The following CNKSR3 variants were observed in gnomAD, a reference collection of about 807,000 sequenced individuals.
The protein encoded by CNKSR3 is CNKSR family member 3, also known as connector enhancer of kinase suppressor of ras 3.
CNKSR3 carries 36 observed loss-of-function variants against 67.7 expected under a neutral mutation model. That is an observed-to-expected ratio of 0.53 (90% CI 0.41 to 0.70). The LOEUF (loss-of-function observed/expected upper bound fraction) is 0.70, where lower values mean the gene tolerates loss of function less well. Among genes scored for constraint, CNKSR3 ranks in the 30% least tolerant of loss-of-function variants. The pLI is 0.00. For missense variants in CNKSR3, 630 were observed against 695.2 expected (o/e 0.91, Z 1.05); for synonymous variants, 281 against 271.4 (o/e 1.04, Z -0.35).
chr6:154,430,608 A>C lies in CNKSR3; in HGVS notation c.550-17T>G, dbSNP rs1437101406. ...AACCTTGACCTAGAATTGGAGAAGC[A>C]AATAGTCAGGAAAGTTCAATCATTA... On this transcript the variant is annotated splice_polypyrimidine_tract_variant and intron_variant, in intron 5 of 12. Transcript: ENST00000607772. The C allele has an allele frequency of 1.9e-6, 3 of 1,599,624 alleles. No homozygotes were observed. Among genetic ancestry groups the C allele is most frequent in the East Asian group, 2.3e-5 (1 of 44,396 alleles).
intron 1 of CNKSR3, among the ~76,000 whole-genome samples, chr6:154,484,453 C>T (rs946008993): frequency 6.6e-6 from 1 of 152,150 alleles, no homozygotes; most frequent in African/African-American, 2.4e-5. Flanking sequence ...CGCCTGTAAT[C>T]CCAACGCTTT....
At chr6:154,441,144 T>G (rs192407951) in intron 4 of CNKSR3, 148 bp downstream of exon 4, 133 of 544,532 alleles carry the variant, frequency 2.4e-4, no homozygotes, top group Middle Eastern at 4.9e-4. Context: ...ATTTAAAGCC[T>G]TTCATCTCTT....
intron 4 of CNKSR3, among the ~76,000 whole-genome samples, chr6:154,436,782 C>T (rs1785480315): frequency 6.6e-6 from 1 of 152,186 alleles, no homozygotes; most frequent in South Asian, 2.1e-4. Context: ...ATCTCAATCC[C>T]TTCCCACCTT....
intron 1 of CNKSR3, among the ~76,000 whole-genome samples, chr6:154,498,386 C>T (rs1786919095): frequency 6.6e-6 from 1 of 151,128 alleles, no homozygotes; most frequent in East Asian, 1.9e-4. Context: ...ATTTTGTGAA[C>T]ACTGGGAAAT....
Position 154,442,217 on chromosome 6 carries a change from T to C in CNKSR3, c.290A>G (p.Asn97Ser). The C allele has an allele frequency of 6.2e-7, 1 of 1,614,224 alleles. No homozygotes were observed. Among genetic ancestry groups the C allele is most frequent in the Non-Finnish European group, 8.5e-7 (1 of 1,180,032 alleles). The change falls in exon 3 of 13, where the codon AAT becomes AGT. Residue 97 changes from asparagine (N) to serine (S), a missense_variant. By Grantham distance (46) the Asn-to-Ser change is conservative. Around this residue, in one of 3 missense-constraint regions of CNKSR3, gnomAD observed 189 missense variants for 205.0 expected, o/e 0.92. Transcript: ENST00000607772. ...ACTTTTCCGTCGGCTACTTATGTAA[T>C]TCTGTAAATTGTGGGAAGATGCTCT... The part of the protein sequence containing the change: ...KLRASSHNLQ[N>S]YISSRRKSPA...
At chr6:154,433,734 C>T in intron 4 of CNKSR3, 1 of 432,438 alleles carries the variant, frequency 2.3e-6, no homozygotes, top group Non-Finnish European at 4.1e-6. Flanking sequence ...AAGGAGTTCT[C>T]ATCCAAGGAA....
intron 9 of CNKSR3, among the ~76,000 whole-genome samples, chr6:154,415,488 C>T (rs1196772793): frequency 6.6e-6 from 1 of 152,150 alleles, no homozygotes; most frequent in Non-Finnish European, 1.5e-5. Flanking sequence ...ACCTCAGCCT[C>T]CCAAAGTGCT....
At chr6:154,474,239 C>T (rs1301594755) in intron 1 of CNKSR3, among the ~76,000 whole-genome samples, 7 of 151,366 alleles carry the variant, frequency 4.6e-5, no homozygotes, top group East Asian at 2.0e-4. Context: ...GGTGAAACCC[C>T]GTCTCTACTA....
In CNKSR3 at chr6:154,399,941, C is replaced by A. The variant is rs1375927898; in HGVS notation, c.*6413G>T. On this transcript the variant is annotated 3_prime_UTR_variant, in exon 13 of 13. Transcript: ENST00000607772. Reference sequence around the variant, plus strand: ...CATTTCTCTCATTTTAATCATTTTTCTCCTGATATTTTCTCTCCTTTTAAT... The same window carrying A: ...CATTTCTCTCATTTTAATCATTTTTATCCTGATATTTTCTCTCCTTTTAAT... 1 of 152,090 alleles carries A rather than the reference C, an allele frequency of 6.6e-6. No individual in the cohort carries two copies. Among genetic ancestry groups the A allele is most frequent in the African/African-American group, 2.4e-5 (1 of 41,414 alleles). 9.4% of individuals were successfully genotyped at this position (152,090 alleles called of 1,614,324 possible).
chr6:154,422,213 C>T (rs1038094408), intron 9 of CNKSR3, among the ~76,000 whole-genome samples: 4 of 151,844 alleles, frequency 2.6e-5, no homozygotes, highest in African/African-American at 7.3e-5. Context: ...AGGATGGTCT[C>T]GATCTCCTGA....
At position 154,424,185 on chromosome 6, in the gene CNKSR3, C is replaced by A. The variant is rs546072701; in HGVS notation, c.730-1202G>T. Among the ~76,000 whole-genome samples the A allele has an allele frequency of 1.4e-4, 21 of 148,554 alleles. 1 individual carries two copies. The South Asian group carries it at 4.5e-3, about 31-fold the overall frequency. Reference sequence around the variant, plus strand: ...AGCGGAGCTTGCAGTGAGCCGAGATCGCGCCACTGCACTCCAGCCTAGGCG... The same window carrying A: ...AGCGGAGCTTGCAGTGAGCCGAGATAGCGCCACTGCACTCCAGCCTAGGCG... On this transcript the variant is annotated intron_variant, in intron 7 of 12. Transcript: ENST00000607772.
chr6:154,492,812 C>T lies in CNKSR3; in HGVS notation c.52+17251G>A, dbSNP rs1021812325. 1.1e-4 allele frequency among the ~76,000 whole-genome samples: 16 copies of T among 152,046 alleles called. No individual in the cohort carries two copies. In the East Asian group the frequency reaches 2.1e-3, roughly 20 times the overall value. Reference sequence around the variant, plus strand: ...TCTTTCCTTAACCTGCTTCTCCCACCTCTCAGGAGATGACAACTCTATCCT... The same window carrying T: ...TCTTTCCTTAACCTGCTTCTCCCACTTCTCAGGAGATGACAACTCTATCCT... On this transcript the variant is annotated intron_variant, in intron 1 of 12. Transcript: ENST00000607772.
intron 1 of CNKSR3, among the ~76,000 whole-genome samples, chr6:154,452,831 G>A (rs1280588830): frequency 6.6e-6 from 1 of 152,158 alleles, no homozygotes; most frequent in Admixed American, 6.5e-5. Context: ...CGGAAAAGAC[G>A]GTCATTGTAA....
intron 1 of CNKSR3, among the ~76,000 whole-genome samples, chr6:154,453,884 C>A (rs1785891334): frequency 6.6e-6 from 1 of 151,854 alleles, no homozygotes; most frequent in Admixed American, 6.6e-5. Flanking sequence ...TCTAGCAGGA[C>A]CAAGAGAAAC....
intron 1 of CNKSR3, among the ~76,000 whole-genome samples, chr6:154,475,880 A>G (rs1786435521): frequency 6.6e-6 from 1 of 152,070 alleles, no homozygotes; most frequent in African/African-American, 2.4e-5. Context: ...TGATAAAAAA[A>G]CCTTAAGTAC....
intron 7 of CNKSR3, among the ~76,000 whole-genome samples, chr6:154,424,938 A>AT (rs1431788444): frequency 1.3e-5 from 2 of 152,024 alleles, no homozygotes; most frequent in Non-Finnish European, 2.9e-5. Flanking sequence ...CGCCCAGCTA[A>AT]TTTCTGTATT....
At chr6:154,456,371 A>G (rs1321691675) in intron 1 of CNKSR3, among the ~76,000 whole-genome samples, 1 of 151,700 alleles carries the variant, frequency 6.6e-6, no homozygotes, top group Admixed American at 6.6e-5. Flanking sequence ...TAAAGCTTGT[A>G]GACTCTCATC....
chr6:154,400,626 T>C lies in CNKSR3; in HGVS notation c.*5728A>G, dbSNP rs1228562256. 6.6e-6 allele frequency: 1 copy of C among 152,186 alleles called. No individual in the cohort carries two copies. The highest frequency in any genetic ancestry group is 1.5e-5 in the Non-Finnish European group (1 of 68,022). 9.4% of individuals were successfully genotyped at this position (152,186 alleles called of 1,614,324 possible). A position where few individuals can be genotyped will look rare whatever the true frequency, so the allele number is the denominator to read the frequency against. On this transcript the variant is annotated 3_prime_UTR_variant, in exon 13 of 13. Coordinates refer to ENST00000607772, the MANE Select transcript of CNKSR3 (RefSeq NM_173515.4). Reference sequence around the variant, plus strand: ...ATTATTTAAGACAAACTTTTGAGTATAAAAAATTTGTCTTTTACATACACA... The same window carrying C: ...ATTATTTAAGACAAACTTTTGAGTACAAAAAATTTGTCTTTTACATACACA...
Position 154,504,651 on chromosome 6 carries a change from G to T in CNKSR3, c.52+5412C>A, listed in dbSNP as rs184469405. ...GGGACCCTGAGCAAATTCTCTCTCT[G>T]CTTCAGTTTCTTTAATATGGGCTGG... On this transcript the variant is annotated intron_variant, in intron 1 of 12. Coordinates refer to ENST00000607772, the MANE Select transcript of CNKSR3 (RefSeq NM_173515.4). Among the ~76,000 whole-genome samples, 8 of 148,888 alleles carry T rather than the reference G, an allele frequency of 5.4e-5. No homozygotes were observed. The East Asian group carries it at 1.0e-3, about 19-fold the overall frequency.
Sources: allele counts gnomAD v4.1 joint callset (sites outside exome capture counted in the v4.1 genomes callset), GRCh38; gene constraint gnomAD v4.1.1; regional missense constraint gnomAD v4.1.1; transcripts MANE v1.5; gene names NCBI Gene and HGNC (gene_info 2026-07-23, HGNC 2026-07-21).